The following SERPINF1 variants were observed in gnomAD, a reference collection of about 807,000 sequenced individuals.
SERPINF1 encodes pigment epithelium-derived factor.
Under a neutral mutation model 37.3 loss-of-function variants are expected in SERPINF1, and 29 were observed. That is an observed-to-expected ratio of 0.78 (90% CI 0.58 to 1.06). SERPINF1 has a LOEUF of 1.06. SERPINF1 is among the 50% of genes least tolerant of loss of function. The probability of loss-of-function intolerance (pLI) is 0.00; values close to 1 mark genes in which losing one functional copy is unlikely to be tolerated. For missense variants in SERPINF1, 553 were observed against 532.2 expected, an observed-to-expected ratio of 1.04 and a Z score of -0.38; for synonymous variants, 281 against 227.9, an observed-to-expected ratio of 1.23 and a Z score of -2.10.
intron 2 of SERPINF1, among the ~76,000 whole-genome samples, chr17:1,767,420 G>T (rs936977693): frequency 6.6e-6 from 1 of 152,210 alleles, no homozygotes; most frequent in Non-Finnish European, 1.5e-5. Context: ...GGGATGACAG[G>T]TGTGAGCCAC....
chr17:1,775,964 G>C (rs1005667486), intron 6 of SERPINF1, among the ~76,000 whole-genome samples: 2 of 152,214 alleles, frequency 1.3e-5, no homozygotes, highest in African/African-American at 4.8e-5. Context: ...CCTCAAACCC[G>C]AGGGAGCACC....
rs770542903 is a variant in SERPINF1 at position 1,776,559 on chromosome 17, ATGAG to A, written c.816_819del (p.Met272IlefsTer8). The A allele has an allele frequency of 1.9e-6, 3 of 1,614,014 alleles. No homozygotes were observed. The highest frequency in any genetic ancestry group is 2.5e-6 in the Non-Finnish European group (3 of 1,180,018). On this transcript the variant is annotated frameshift_variant, in exon 7 of 8. Transcript: ENST00000254722. LOFTEE classifies it high-confidence loss of function. ...TGCCCAGCTGCCCTTGACCGGAAGC[ATGAG>A]TATCATCTTCTTCCTGCCCCTGAAA...
At chr17:1,773,793 G>C (rs1402458010) in intron 5 of SERPINF1, among the ~76,000 whole-genome samples, 1 of 152,148 alleles carries the variant, frequency 6.6e-6, no homozygotes, top group Admixed American at 6.5e-5. Flanking sequence ...CACGGGTCTT[G>C]TGTGGGGCCA....
intron 5 of SERPINF1, among the ~76,000 whole-genome samples, chr17:1,772,328 C>T (rs555544296): frequency 6.6e-6 from 1 of 152,088 alleles, no homozygotes; most frequent in South Asian, 2.1e-4. Flanking sequence ...GTTGGCCAGG[C>T]TGGTCTCGAA....
intron 4 of SERPINF1, 142 bp downstream of exon 4, chr17:1,771,326 G>GCAACCTC: frequency 2.4e-6 from 2 of 831,224 alleles, no homozygotes; most frequent in Non-Finnish European, 3.6e-6. Context: ...TCGGCTCACT[G>GCAACCTC]CAACCTCCAC....
At chr17:1,766,736 G>A in intron 1 of SERPINF1, 167 bp from the exon 2 acceptor site, 1 of 626,666 alleles carries the variant, frequency 1.6e-6, no homozygotes, top group East Asian at 2.8e-5. Flanking sequence ...CAAGCTGAGG[G>A]TCCACTTCTG....
rs190292375 is a variant in SERPINF1 at position 1,776,674 on chromosome 17, C to A, written c.929C>A (p.Ala310Glu). The change falls in exon 7 of 8, where the codon GCG becomes GAG. Residue 310 changes from alanine (A) to glutamate (E), a missense_variant. By Grantham distance (107) the Ala-to-Glu change is moderately radical (BLOSUM62 -1). Transcript: ENST00000254722. ...GACCGAGAACTGAAGACCGTGCAGG[C>A]GGTCCTCACTGTCCCCAAGCTGAAG... is the stretch of plus-strand genomic sequence containing the variant. ...DIDRELKTVQ[A>E]VLTVPKLKLS... The A allele has an allele frequency of 6.8e-6, 11 of 1,613,424 alleles. No individual in the cohort carries two copies. In the Admixed American group the frequency reaches 1.8e-4, roughly 27 times the overall value.
In SERPINF1 at chr17:1,775,169, G is replaced by C; in HGVS notation, c.755G>C (p.Arg252Pro). ...PMMSDPKAVL[R>P]YGLDSDLSCK... ...ATGTCGGACCCTAAGGCTGTTTTAC[G>C]CTATGGCTTGGATTCAGATCTCAGC... The change falls in exon 6 of 8, where the codon CGC (arginine) becomes CCC (proline). Residue 252 changes from arginine to proline, a missense_variant. Transcript: ENST00000254722. 6.2e-7 allele frequency: 1 copy of C among 1,612,870 alleles called. No homozygotes were observed. Among genetic ancestry groups the C allele is most frequent in the Non-Finnish European group, 8.5e-7 (1 of 1,179,348 alleles).
chr17:1,777,184 C>T lies in SERPINF1; in HGVS notation c.998-3C>T, dbSNP rs1174410336. 2 of 1,614,156 alleles carry T rather than the reference C, an allele frequency of 1.2e-6. No individual in the cohort carries two copies. Among genetic ancestry groups the T allele is most frequent in the East Asian group, 2.2e-5 (1 of 44,868 alleles). On this transcript the variant is annotated splice_polypyrimidine_tract_variant and splice_region_variant and intron_variant, in intron 7 of 7. Transcript: ENST00000254722. Reference sequence around the variant, plus strand: ...TAACGGAAATCTCTCTCCATCTCTACAGAGCTGCAATCCTTGTTTGATTCA... The same window carrying T: ...TAACGGAAATCTCTCTCCATCTCTATAGAGCTGCAATCCTTGTTTGATTCA...
In SERPINF1 at chr17:1,777,558, A is replaced by T. The variant is rs1908124107; in HGVS notation, c.*112A>T. On this transcript the variant is annotated 3_prime_UTR_variant, in exon 8 of 8. Transcript: ENST00000254722. ...TCAATGCATACAATAAAAGAGCTTT[A>T]TCCCTAACTTCTGTTACTTCGTTCC... 7.5e-7 allele frequency: 1 copy of T among 1,330,786 alleles called. No homozygotes were observed. Among genetic ancestry groups the T allele is most frequent in the Admixed American group, 1.8e-5 (1 of 54,584 alleles). The allele number at this position is 1,330,786 out of a possible 1,614,324, so 82.4% of individuals were successfully genotyped here.
At chr17:1,774,992 C>CACAGCAT (rs1859533140) in intron 5 of SERPINF1, 66 bp from the exon 6 acceptor site, 1 of 1,606,458 alleles carries the variant, frequency 6.2e-7, no homozygotes, top group Non-Finnish European at 8.5e-7. Context: ...GCTCTGGGGA[C>CACAGCAT]ACAGCATGGC....
intron 5 of SERPINF1, among the ~76,000 whole-genome samples, chr17:1,773,132 G>A (rs565803688): frequency 8.2e-4 from 125 of 152,288 alleles, no homozygotes; most frequent in Middle Eastern, 6.8e-3. Context: ...TCAAATCCAA[G>A]GCAAGGCGTG....
chr17:1,774,543 G>A (rs1567756881), intron 5 of SERPINF1, among the ~76,000 whole-genome samples: 2 of 152,118 alleles, frequency 1.3e-5, no homozygotes, highest in South Asian at 2.1e-4. Flanking sequence ...TGTTGGCCAC[G>A]CTGGTCTCAA....
At chr17:1,773,208 G>A (rs990825700) in intron 5 of SERPINF1, among the ~76,000 whole-genome samples, 3 of 152,134 alleles carry the variant, frequency 2.0e-5, no homozygotes, top group Non-Finnish European at 4.4e-5. Flanking sequence ...TGAACACTGG[G>A]TCTGTTTGGG....
chr17:1,772,522 A>G (rs186426504), intron 5 of SERPINF1, among the ~76,000 whole-genome samples: 1 of 152,132 alleles, frequency 6.6e-6, no homozygotes, highest in Admixed American at 6.6e-5. Flanking sequence ...AAGTGCTGGG[A>G]TTACAGGCAT....
At chr17:1,767,096 G>C in intron 2 of SERPINF1, 102 bp downstream of exon 2, 1 of 988,828 alleles carries the variant, frequency 1.0e-6, no homozygotes, top group South Asian at 1.6e-5. Context: ...TTCCAGGCCA[G>C]GCTTGGGCCT....
intron 2 of SERPINF1, among the ~76,000 whole-genome samples, chr17:1,768,442 AAAAAG>A (rs1184728436): frequency 4.0e-5 from 6 of 151,390 alleles, no homozygotes; most frequent in African/African-American, 7.3e-5. Flanking sequence ...AAAAAAAAAA[AAAAAG>A]AAAGAAAGAA....
chr17:1,771,167 G>T lies in SERPINF1; in HGVS notation c.422G>T (p.Arg141Leu). ...APQKNLKSASRIVFEKKLRIK... is the reference protein window; with the variant it reads ...APQKNLKSASLIVFEKKLRIK... The stretch of plus-strand genomic sequence containing the variant: ...CAGAAGAACCTCAAGAGTGCCTCCC[G>T]GATCGTCTTTGAGAAGAGTGAGTCG... The change falls in exon 4 of 8, where the codon CGG becomes CTG. Residue 141 changes from arginine to leucine, a missense_variant. Physicochemically the swap from Arg to Leu is moderately radical, Grantham distance 102 (BLOSUM62 -2). Transcript: ENST00000254722. The T allele has an allele frequency of 6.2e-7, 1 of 1,613,754 alleles. No individual in the cohort carries two copies. Among genetic ancestry groups the T allele is most frequent in the African/African-American group, 1.3e-5 (1 of 74,956 alleles).
chr17:1,762,803 A>G (rs34107519), intron 1 of SERPINF1: 95,841 of 152,214 alleles, frequency 0.63, 30,783 homozygotes, highest in South Asian at 0.77. Context: ...TGTATAGGGC[A>G]TGGGGGCCCA....
Sources: allele counts gnomAD v4.1 joint callset (sites outside exome capture counted in the v4.1 genomes callset), GRCh38; gene constraint gnomAD v4.1.1; transcripts MANE v1.5; gene names NCBI Gene and HGNC (gene_info 2026-07-23, HGNC 2026-07-21).